ITIH1: variants seen among roughly 807,000 people sequenced by gnomAD.
ITIH1 encodes inter-alpha-trypsin inhibitor heavy chain 1.
Under a neutral mutation model 104.6 loss-of-function variants are expected in ITIH1, and 94 were observed. That is an observed-to-expected ratio of 0.90 (90% CI 0.76 to 1.07). The LOEUF (loss-of-function observed/expected upper bound fraction) is 1.07, where lower values mean the gene tolerates loss of function less well. Ranked by LOEUF, ITIH1 falls within the 50% of genes least tolerant of loss-of-function variation. The pLI is 0.00. For synonymous variants in ITIH1, 455 were observed against 464.4 expected (o/e 0.98, Z 0.26); for missense variants, 1,193 against 1,181.4 (o/e 1.01, Z -0.14).
Position 52,789,720 on chromosome 3 carries a change from C to T in ITIH1, c.2187C>T (p.Tyr729=). 1 of 1,614,222 alleles carries T rather than the reference C, an allele frequency of 6.2e-7. No individual in the cohort carries two copies. Among genetic ancestry groups the T allele is most frequent in the Non-Finnish European group, 8.5e-7 (1 of 1,180,044 alleles). Reference sequence around the variant, plus strand: ...GCCCTGGGCAGCATGACGGCACGTACTTCGGGCGGCTGGGAATCGCAAACC... The same window carrying T: ...GCCCTGGGCAGCATGACGGCACGTATTTCGGGCGGCTGGGAATCGCAAACC... The part of the protein sequence containing the change: ...ARSPGQHDGT[Y]FGRLGIANPA... The change falls in exon 19 of 22, where the codon TAC becomes TAT. Residue 729 remains tyrosine, a synonymous_variant. Transcript: ENST00000273283.
intron 2 of ITIH1, 68 bp downstream of exon 2, chr3:52,778,085 G>T: frequency 1.3e-6 from 2 of 1,560,530 alleles, no homozygotes. Context: ...TCCCCAACCT[G>T]TCAGGGGTGG....
At position 52,780,099 on chromosome 3, in the gene ITIH1, TG is replaced by T. The variant is rs1698995633; in HGVS notation, c.574-167del. On this transcript the variant is annotated intron_variant, in intron 5 of 21. Coordinates refer to ENST00000273283, the MANE Select transcript of ITIH1 (RefSeq NM_002215.4). Reference sequence around the variant, plus strand: ...TGGCTCTTGGCTGAGACTTGGTGAGTGGGAGCCCTGGTAGAGAATTTGCTTC... The same window carrying T: ...TGGCTCTTGGCTGAGACTTGGTGAGTGGAGCCCTGGTAGAGAATTTGCTTC... 5 of 922,786 alleles carry T rather than the reference TG, an allele frequency of 5.4e-6. No individual in the cohort carries two copies. In the South Asian group the frequency reaches 9.0e-5, roughly 17 times the overall value. The allele number at this position is 922,786 out of a possible 1,614,324, so 57.2% of individuals were successfully genotyped here.
Position 52,784,492 on chromosome 3 carries a change from C to G in ITIH1, c.1407+15C>G. 6.2e-7 allele frequency: 1 copy of G among 1,611,252 alleles called. No individual in the cohort carries two copies. Among genetic ancestry groups the G allele is most frequent in the Middle Eastern group, 1.7e-4 (1 of 6,040 alleles). Reference sequence around the variant, plus strand: ...AGCAGCTGCAGGTCTCCCCTCACAACCCCCTGTACCTCCAATGGCATGCCA... The same window carrying G: ...AGCAGCTGCAGGTCTCCCCTCACAAGCCCCTGTACCTCCAATGGCATGCCA... On this transcript the variant is annotated intron_variant, in intron 11 of 21. Transcript: ENST00000273283.
rs372392661 is a variant in ITIH1, at chr3:52,783,133, TGGGGGTCTCAGGC to T, written c.1099+9_1099+21del. The T allele has an allele frequency of 0.08, 128,431 of 1,613,390 alleles. 5,767 individuals carry two copies. Among genetic ancestry groups the T allele is most frequent in the Non-Finnish European group, 0.091 (107,439 of 1,179,580 alleles). On this transcript the variant is annotated intron_variant, in intron 9 of 21. Coordinates refer to ENST00000273283, the MANE Select transcript of ITIH1 (RefSeq NM_002215.4). Reference sequence around the variant, plus strand: ...GCTTTTCCCTGGATGAGGGTAAGGGTGGGGGTCTCAGGCAACCTTGATGTCACCTCTGTCCCCT... The same window carrying T: ...GCTTTTCCCTGGATGAGGGTAAGGGTAACCTTGATGTCACCTCTGTCCCCT...
intron 12 of ITIH1, among the ~76,000 whole-genome samples, chr3:52,785,590 T>C (rs147016950): frequency 2.0e-5 from 3 of 152,376 alleles, no homozygotes; most frequent in African/African-American, 7.2e-5. Context: ...CTTTGTGCCA[T>C]GGTGCAGTGC....
rs774116152 is a variant in ITIH1 at position 52,784,493 on chromosome 3, C to A, written c.1407+16C>A. ...GCAGCTGCAGGTCTCCCCTCACAAC[C>A]CCCTGTACCTCCAATGGCATGCCAT... On this transcript the variant is annotated intron_variant, in intron 11 of 21. Transcript: ENST00000273283. The A allele has an allele frequency of 3.7e-6, 6 of 1,611,364 alleles. No individual in the cohort carries two copies. The highest frequency in any genetic ancestry group is 5.1e-6 in the Non-Finnish European group (6 of 1,178,406).
intron 6 of ITIH1, among the ~76,000 whole-genome samples, chr3:52,780,630 G>C (rs1029944427): frequency 1.3e-5 from 2 of 152,254 alleles, no homozygotes; most frequent in Non-Finnish European, 2.9e-5. Flanking sequence ...CCACACACGG[G>C]CTGCATGGTC....
At chr3:52,784,981 G>A in intron 11 of ITIH1, 63 bp from the exon 12 acceptor site, 2 of 1,525,786 alleles carry the variant, frequency 1.3e-6, no homozygotes, top group Non-Finnish European at 1.8e-6. Context: ...CCACTTTGTG[G>A]GCAGGCTTCC....
rs962699987 is a variant in ITIH1 at position 52,790,122 on chromosome 3, C to T, written c.2321+268C>T. On this transcript the variant is annotated intron_variant, in intron 19 of 21. Coordinates refer to ENST00000273283, the MANE Select transcript of ITIH1 (RefSeq NM_002215.4). ...CTGTCTCTACCAAACAAAGCCAGCTCATCCTCCCAGGCCCAGCAAAGAGGC... is the reference window on the plus strand; with the variant it reads ...CTGTCTCTACCAAACAAAGCCAGCTTATCCTCCCAGGCCCAGCAAAGAGGC... 13 of 525,512 alleles carry T rather than the reference C, an allele frequency of 2.5e-5. 1 individual carries two copies. In the Middle Eastern group the frequency reaches 1.5e-3, roughly 63 times the overall value. 32.6% of individuals were successfully genotyped at this position (525,512 alleles called of 1,614,324 possible).
At chr3:52,788,593 C>G (rs1359682745) in intron 18 of ITIH1, among the ~76,000 whole-genome samples, 1 of 149,582 alleles carries the variant, frequency 6.7e-6, no homozygotes, top group Non-Finnish European at 1.5e-5. Flanking sequence ...CAGAGTCTTG[C>G]TCTGTTGCCC....
At chr3:52,780,466 C>A (rs973455059) in intron 6 of ITIH1, 84 bp downstream of exon 6, 5 of 920,364 alleles carry the variant, frequency 5.4e-6, no homozygotes, top group African/African-American at 5.0e-5. Flanking sequence ...CCAGCCTTAG[C>A]CCAGAAACCA....
chr3:52,778,504 C>A lies in ITIH1; in HGVS notation c.303C>A (p.Ala101=). ...AGACAGCATTCATCAGTGACTTTGC[C>A]GTGTGCGTGCCTGCCCAACTCCCAT... is the stretch of plus-strand genomic sequence containing the variant. The part of the protein sequence containing the change: ...IPKTAFISDF[A]VTADGNAFIG... The change falls in exon 3 of 22, where the codon GCC becomes GCA. Residue 101 remains alanine, a splice_region_variant and synonymous_variant. Coordinates refer to ENST00000273283, the MANE Select transcript of ITIH1 (RefSeq NM_002215.4). 6.2e-7 allele frequency: 1 copy of A among 1,614,142 alleles called. No individual in the cohort carries two copies. Among genetic ancestry groups the A allele is most frequent in the Non-Finnish European group, 8.5e-7 (1 of 1,180,006 alleles).
At position 52,787,859 on chromosome 3, in the gene ITIH1, G is replaced by A. The variant is rs566696813; in HGVS notation, c.1925-127G>A. 100 of 1,000,294 alleles carry A rather than the reference G, an allele frequency of 1.0e-4. 1 individual carries two copies. Among genetic ancestry groups the A allele is most frequent in the Admixed American group, 7.2e-4 (42 of 58,202 alleles). The allele number at this position is 1,000,294 out of a possible 1,614,324, so 62.0% of individuals were successfully genotyped here. A position where few individuals can be genotyped will look rare whatever the true frequency, so the allele number is the denominator to read the frequency against. On this transcript the variant is annotated intron_variant, in intron 16 of 21. Coordinates refer to ENST00000273283, the MANE Select transcript of ITIH1 (RefSeq NM_002215.4). ...GAGCCAATCAAGGGCATGTGATGTTGAGTGGACATCCCTGCTTGGTGGCCT... is the reference window on the plus strand; with the variant it reads ...GAGCCAATCAAGGGCATGTGATGTTAAGTGGACATCCCTGCTTGGTGGCCT...
At position 52,787,956 on chromosome 3, in the gene ITIH1, G is replaced by C. The variant is rs575523983; in HGVS notation, c.1925-30G>C. 4.7e-5 allele frequency: 75 copies of C among 1,593,648 alleles called. No homozygotes were observed. The Admixed American group carries it at 1.3e-3, about 27-fold the overall frequency. On this transcript the variant is annotated intron_variant, in intron 16 of 21. Coordinates refer to ENST00000273283, the MANE Select transcript of ITIH1 (RefSeq NM_002215.4). ...GCTCCAGGGAAGGCCTGGCTGCCCC[G>C]CTTCTAAATGCCACTCCCCCTCCCA...
chr3:52,778,738 AG>A, intron 3 of ITIH1: 1 of 1,354,296 alleles, frequency 7.4e-7, no homozygotes, highest in South Asian at 1.5e-5. Flanking sequence ...GAACCCAAGG[AG>A]CCAAGGCCAG....
Position 52,777,699 on chromosome 3 carries a change from G to C in ITIH1, c.84G>C (p.Leu28=). Residue 28 remains leucine, a synonymous_variant, in exon 1 of 22, where the codon CTG becomes CTC. Transcript: ENST00000273283. The part of the protein sequence containing the change: ...SLLILQAMPA[L]GSATGRSKSS... The stretch of plus-strand genomic sequence containing the variant: ...TCATCCTGCAGGCCATGCCTGCCCT[G>C]GGCTCGGCTACAGGCAGGTCCAAGA... 1 of 1,602,224 alleles carries C rather than the reference G, an allele frequency of 6.2e-7. No individual in the cohort carries two copies. Among genetic ancestry groups the C allele is most frequent in the East Asian group, 2.2e-5 (1 of 44,808 alleles).
rs547935497 is a variant in ITIH1, at chr3:52,777,622, G to A, written c.7G>A (p.Gly3Ser). 15 of 1,580,274 alleles carry A rather than the reference G, an allele frequency of 9.5e-6. No homozygotes were observed. The highest frequency in any genetic ancestry group is 8.1e-5 in the African/African-American group (6 of 74,032). Residue 3 changes from glycine to serine, a missense_variant, in exon 1 of 22, where the codon GGT (glycine) becomes AGT (serine). Transcript: ENST00000273283. Reference protein sequence around the residue: MDGAMGPRGLLLC... With the variant: MDSAMGPRGLLLC... Reference sequence around the variant, plus strand: ...GCAGCAGGAGCCTTAGAGCATGGACGGTGCCATGGGGCCTCGGGGGCTGCT... The same window carrying A: ...GCAGCAGGAGCCTTAGAGCATGGACAGTGCCATGGGGCCTCGGGGGCTGCT...
Position 52,791,894 on chromosome 3 carries a change from G to A in ITIH1, c.2719G>A (p.Val907Ile), listed in dbSNP as rs200550859. The A allele has an allele frequency of 1.3e-4, 209 of 1,613,022 alleles. No individual in the cohort carries two copies. The highest frequency in any genetic ancestry group is 1.6e-4 in the Non-Finnish European group (191 of 1,179,354). The change falls in exon 22 of 22, where the codon GTC becomes ATC. Residue 907 changes from valine (V) to isoleucine (I), a missense_variant. By Grantham distance (29) the Val-to-Ile change is conservative (BLOSUM62 3). Coordinates refer to ENST00000273283, the MANE Select transcript of ITIH1 (RefSeq NM_002215.4). ...LIDGAYTDYIVPDIF is the reference protein window; with the variant it reads ...LIDGAYTDYIIPDIF ...CGATGGTGCCTACACTGATTATATC[G>A]TCCCCGACATCTTCTGAGCCCTCTG...
In ITIH1 at chr3:52,784,183, G is replaced by A. The variant is rs1699138122; in HGVS notation, c.1226-113G>A. On this transcript the variant is annotated intron_variant, in intron 10 of 21. Transcript: ENST00000273283. ...ATGCCTCAGGATGCCCAGGAGCCTGGAGATGCTCTGAGATGGAAGGCTTGA... is the reference window on the plus strand; with the variant it reads ...ATGCCTCAGGATGCCCAGGAGCCTGAAGATGCTCTGAGATGGAAGGCTTGA... 3.3e-6 allele frequency: 3 copies of A among 907,598 alleles called. No homozygotes were observed. The African/African-American group carries it at 5.1e-5, about 15-fold the overall frequency. The allele number at this position is 907,598 out of a possible 1,614,324, so 56.2% of individuals were successfully genotyped here.
Sources: gnomAD v4.1 joint callset for allele counts (sites outside exome capture counted in the v4.1 genomes callset) on GRCh38, gnomAD v4.1.1 for gene constraint, MANE v1.5 for transcripts, NCBI Gene and HGNC (gene_info 2026-07-23, HGNC 2026-07-21) for gene names.